FARS2: variants seen among roughly 807,000 people sequenced by gnomAD.
FARS2 encodes phenylalanine--tRNA ligase, mitochondrial.
Under a neutral mutation model 46.4 loss-of-function variants are expected in FARS2, and 40 were observed. That is an observed-to-expected ratio of 0.86 (90% CI 0.67 to 1.12). The LOEUF is 1.12. Among genes scored for constraint, FARS2 ranks in the 50% most tolerant of loss-of-function variants. FARS2 has a pLI of 0.00. For missense variants in FARS2, 513 were observed against 567.9 expected (o/e 0.90, Z 0.98); for synonymous variants, 234 against 214.9 (o/e 1.09, Z -0.78).
chr6:5,306,174 T>C (rs1768687033), intron 1 of FARS2, among the ~76,000 whole-genome samples: 1 of 152,174 alleles, frequency 6.6e-6, no homozygotes. Context: ...ACGTCAGTAT[T>C]GCATCAACTC....
At chr6:5,734,972 CACCCCAATAA>C (rs1265552870) in intron 6 of FARS2, among the ~76,000 whole-genome samples, 1 of 152,146 alleles carries the variant, frequency 6.6e-6, no homozygotes, top group Non-Finnish European at 1.5e-5. Context: ...CCAGAAAGAC[CACCCCAATAA>C]ACTAAGCAGC....
intron 6 of FARS2, among the ~76,000 whole-genome samples, chr6:5,769,754 C>G (rs1440875357): frequency 6.6e-6 from 1 of 152,226 alleles, no homozygotes; most frequent in Non-Finnish European, 1.5e-5. Flanking sequence ...AAAACTTCCA[C>G]CCCCAGCCCA....
intron 2 of FARS2, among the ~76,000 whole-genome samples, chr6:5,394,841 G>A (rs1760799164): frequency 6.6e-6 from 1 of 151,766 alleles, no homozygotes; most frequent in Non-Finnish European, 1.5e-5. Flanking sequence ...CTTGATGCTC[G>A]TTAACTTTTG....
chr6:5,325,518 G>T (rs1421756402), intron 1 of FARS2, among the ~76,000 whole-genome samples: 1 of 152,176 alleles, frequency 6.6e-6, no homozygotes, highest in African/African-American at 2.4e-5. Flanking sequence ...GAATCACTTA[G>T]TTGCTGAAGA....
chr6:5,474,720 G>A lies in FARS2; in HGVS notation c.904+43548G>A, dbSNP rs549198609. On this transcript the variant is annotated intron_variant, in intron 4 of 6. Transcript: ENST00000274680. ...CTGTCGCCCCGGCTGGAGTGCAGTG[G>A]CATGATCTCTGTTCACTGCAACCTC... Among the ~76,000 whole-genome samples, 24 of 145,006 alleles carry A rather than the reference G, an allele frequency of 1.7e-4. 1 individual carries two copies. In the South Asian group the frequency reaches 4.6e-3, roughly 28 times the overall value.
chr6:5,511,762 T>C (rs997857307), intron 4 of FARS2, among the ~76,000 whole-genome samples: 4 of 152,200 alleles, frequency 2.6e-5, no homozygotes, highest in African/African-American at 9.7e-5. Context: ...TCTGTTATAT[T>C]AATGATTTCT....
intron 2 of FARS2, among the ~76,000 whole-genome samples, chr6:5,373,117 A>G (rs892700441): frequency 6.6e-6 from 1 of 152,146 alleles, no homozygotes; most frequent in Non-Finnish European, 1.5e-5. Flanking sequence ...CTGTATCAGA[A>G]ACAGGTAGTA....
intron 6 of FARS2, among the ~76,000 whole-genome samples, chr6:5,676,184 C>G (rs1778756754): frequency 6.6e-6 from 1 of 152,180 alleles, no homozygotes; most frequent in South Asian, 2.1e-4. Flanking sequence ...TAAGGACACT[C>G]AAAGATGTCA....
At chr6:5,297,388 C>T (rs940080596) in intron 1 of FARS2, among the ~76,000 whole-genome samples, 8 of 152,226 alleles carry the variant, frequency 5.3e-5, no homozygotes. Flanking sequence ...TGGCTCACGC[C>T]TGTAATCCCA....
intron 6 of FARS2, among the ~76,000 whole-genome samples, chr6:5,722,113 G>T (rs1759948480): frequency 6.6e-6 from 1 of 152,130 alleles, no homozygotes; most frequent in Admixed American, 6.5e-5. Flanking sequence ...AGTGTGAGAT[G>T]GTAAAAAATG....
chr6:5,699,312 T>G (rs1411359163), intron 6 of FARS2, among the ~76,000 whole-genome samples: 2 of 152,238 alleles, frequency 1.3e-5, no homozygotes, highest in Non-Finnish European at 2.9e-5. Context: ...GATTCCTCTT[T>G]GCACAGTTCA....
chr6:5,536,014 A>G (rs1177500123), intron 4 of FARS2, among the ~76,000 whole-genome samples: 1 of 151,576 alleles, frequency 6.6e-6, no homozygotes, highest in African/African-American at 2.4e-5. Flanking sequence ...GCCCCTGTGA[A>G]ACTATCTTTA....
chr6:5,288,168 A>G (rs571773452), intron 1 of FARS2, among the ~76,000 whole-genome samples: 4 of 152,176 alleles, frequency 2.6e-5, no homozygotes, highest in Non-Finnish European at 1.5e-5. Flanking sequence ...TTGCTTTCCC[A>G]CTGTGCTGAG....
chr6:5,668,302 T>A (rs1281762618), intron 6 of FARS2, among the ~76,000 whole-genome samples: 2 of 152,230 alleles, frequency 1.3e-5, no homozygotes, highest in East Asian at 1.9e-4. Context: ...AGCAAATATT[T>A]AATTTATTGT....
intron 4 of FARS2, among the ~76,000 whole-genome samples, chr6:5,541,208 T>C (rs1346346452): frequency 6.6e-6 from 1 of 152,170 alleles, no homozygotes; most frequent in East Asian, 1.9e-4. Flanking sequence ...CCACAAACTA[T>C]CAGTTTCCAG....
At chr6:5,690,630 A>T (rs1451398683) in intron 6 of FARS2, among the ~76,000 whole-genome samples, 1 of 151,218 alleles carries the variant, frequency 6.6e-6, no homozygotes, top group Non-Finnish European at 1.5e-5. Context: ...TGCCCTTAAC[A>T]TTTTTTCCTT....
chr6:5,506,407 C>T (rs780111881), intron 4 of FARS2, among the ~76,000 whole-genome samples: 3 of 152,216 alleles, frequency 2.0e-5, no homozygotes, highest in Non-Finnish European at 4.4e-5. Context: ...CCTTGACTCT[C>T]AAGATTTGTG....
intron 4 of FARS2, among the ~76,000 whole-genome samples, chr6:5,508,085 T>C (rs992633143): frequency 3.3e-5 from 5 of 152,236 alleles, no homozygotes; most frequent in Admixed American, 1.3e-4. Flanking sequence ...TTCCTCTACT[T>C]ATTTTCTAGC....
rs562805573 is a variant in FARS2 at position 5,464,355 on chromosome 6, C to G, written c.904+33183C>G. The stretch of plus-strand genomic sequence containing the variant: ...TGGACAGTCCTGACCTGGACTGGCC[C>G]TCAGGCCAGTGTCCTCCAAGTCCAT... On this transcript the variant is annotated intron_variant, in intron 4 of 6. Transcript: ENST00000274680. 1.3e-4 allele frequency among the ~76,000 whole-genome samples: 20 copies of G among 152,334 alleles called. 1 individual carries two copies. In the South Asian group the frequency reaches 3.7e-3, roughly 28 times the overall value.
Sources: allele counts gnomAD v4.1 joint callset (sites outside exome capture counted in the v4.1 genomes callset), GRCh38; gene constraint gnomAD v4.1.1; transcripts MANE v1.5; gene names NCBI Gene and HGNC (gene_info 2026-07-23, HGNC 2026-07-21).